Variants in TSC22D2 observed in about 807,000 individuals in gnomAD.
TSC22D2 encodes the protein TSC22 domain family member 2.
TSC22D2 carries 5 observed loss-of-function variants against 50.1 expected under a neutral mutation model. The observed-to-expected ratio is 0.10, with a 90% CI of 0.05 to 0.21. TSC22D2 has a LOEUF of 0.21. Among genes scored for constraint, TSC22D2 ranks in the 10% least tolerant of loss-of-function variants. The pLI is 1.00. For synonymous variants in TSC22D2, 501 were observed against 450.1 expected, an observed-to-expected ratio of 1.11 and a Z score of -1.43; for missense variants, 1,003 against 1,015.5, an observed-to-expected ratio of 0.99 and a Z score of 0.17.
intron 1 of TSC22D2, among the ~76,000 whole-genome samples, chr3:150,421,297 A>G (rs1560081981): frequency 6.6e-6 from 1 of 152,118 alleles, no homozygotes; most frequent in Non-Finnish European, 1.5e-5. Flanking sequence ...ACTAGTTCCC[A>G]TATGTTCCTG....
intron 1 of TSC22D2, among the ~76,000 whole-genome samples, chr3:150,441,081 A>G (rs1436239562): frequency 2.0e-5 from 3 of 149,818 alleles, no homozygotes; most frequent in Middle Eastern, 3.5e-3. Flanking sequence ...ATAAACATAT[A>G]AAATACATTT....
At chr3:150,438,231 T>C (rs1720612627) in intron 1 of TSC22D2, 1 of 429,490 alleles carries the variant, frequency 2.3e-6, no homozygotes. Context: ...GGAGGAGGAA[T>C]GTGACATAAT....
intron 1 of TSC22D2, among the ~76,000 whole-genome samples, chr3:150,426,870 T>C (rs550734286): frequency 6.6e-6 from 1 of 152,190 alleles, no homozygotes; most frequent in Non-Finnish European, 1.5e-5. Context: ...TATTCACTTA[T>C]TACCTCTAAT....
rs34106738 is a variant in TSC22D2, at chr3:150,463,963, G to A, written c.*5327G>A. 19,803 of 152,070 alleles carry A rather than the reference G, an allele frequency of 0.13. 1,558 individuals carry two copies. Among genetic ancestry groups the A allele is most frequent in the Non-Finnish European group, 0.2 (13,329 of 67,974 alleles). 9.4% of individuals were successfully genotyped at this position (152,070 alleles called of 1,614,324 possible). On this transcript the variant is annotated 3_prime_UTR_variant, in exon 3 of 3. Transcript: ENST00000688009. ...ATTTTCCCATTGTCTACTGTCATGG[G>A]TCCATAGTATTTAAGTTTACAGACT... is the stretch of plus-strand genomic sequence containing the variant.
intron 1 of TSC22D2, among the ~76,000 whole-genome samples, chr3:150,442,433 T>C (rs1442333349): frequency 6.6e-6 from 1 of 152,250 alleles, no homozygotes; most frequent in Non-Finnish European, 1.5e-5. Flanking sequence ...TTAGAGATTA[T>C]TGTATACAAT....
At chr3:150,419,039 C>G (rs1056093306) in intron 1 of TSC22D2, among the ~76,000 whole-genome samples, 1 of 152,008 alleles carries the variant, frequency 6.6e-6, no homozygotes, top group Non-Finnish European at 1.5e-5. Flanking sequence ...TGTTGAGATA[C>G]TCTACCAAAA....
At chr3:150,443,837 TCCATGATTCTAATGTAAAA>T (rs974226759) in intron 1 of TSC22D2, among the ~76,000 whole-genome samples, 29 of 152,238 alleles carry the variant, frequency 1.9e-4, no homozygotes, top group Non-Finnish European at 3.4e-4. Context: ...TCTCCTTAAA[TCCATGATTCTAATGTAAAA>T]AAGTCTCTGT....
At chr3:150,444,819 C>T (rs1031009553) in intron 1 of TSC22D2, among the ~76,000 whole-genome samples, 11 of 152,100 alleles carry the variant, frequency 7.2e-5, no homozygotes, top group African/African-American at 2.4e-4. Flanking sequence ...TGAAAAAAAC[C>T]TAATGACCCT....
chr3:150,417,035 T>G (rs1386867026), intron 1 of TSC22D2, among the ~76,000 whole-genome samples: 1 of 152,148 alleles, frequency 6.6e-6, no homozygotes, highest in African/African-American at 2.4e-5. Context: ...GGTAACTGAG[T>G]TAATTTTATT....
intron 1 of TSC22D2, among the ~76,000 whole-genome samples, chr3:150,415,094 T>C (rs546550874): frequency 6.6e-6 from 1 of 152,180 alleles, no homozygotes; most frequent in East Asian, 1.9e-4. Context: ...GGATTACTGA[T>C]GGATACCACA....
chr3:150,423,045 A>T, intron 1 of TSC22D2: 1 of 1,612,266 alleles, frequency 6.2e-7, no homozygotes. Flanking sequence ...CTCGGATCTC[A>T]CAGGAATCCT....
chr3:150,456,254 C>G (rs992731034), intron 1 of TSC22D2, among the ~76,000 whole-genome samples: 1 of 148,458 alleles, frequency 6.7e-6, no homozygotes, highest in African/African-American at 2.5e-5. Context: ...ATGGCGTGAT[C>G]TCGGCTCACT....
intron 1 of TSC22D2, among the ~76,000 whole-genome samples, chr3:150,433,993 T>C (rs1720457128): frequency 6.6e-6 from 1 of 152,186 alleles, no homozygotes; most frequent in African/African-American, 2.4e-5. Flanking sequence ...AAGAATTGCT[T>C]GAACCCACGA....
In TSC22D2 at chr3:150,465,741, C is replaced by G. The variant is rs1305696165; in HGVS notation, c.*7105C>G. The G allele has an allele frequency of 1.3e-5, 2 of 152,092 alleles. No individual in the cohort carries two copies. The highest frequency in any genetic ancestry group is 2.9e-5 in the Non-Finnish European group (2 of 68,006). The allele number at this position is 152,092 out of a possible 1,614,324, so 9.4% of individuals were successfully genotyped here. ...CGAACATAAGTTTTAAACTTCAAAC[C>G]TTTCTGCATAGTATAATAAAAATCT... On this transcript the variant is annotated 3_prime_UTR_variant, in exon 3 of 3. Transcript: ENST00000688009.
At chr3:150,413,758 A>G (rs1719682642) in intron 1 of TSC22D2, among the ~76,000 whole-genome samples, 1 of 152,060 alleles carries the variant, frequency 6.6e-6, no homozygotes, top group African/African-American at 2.4e-5. Context: ...TAAAATCTGC[A>G]TGTTTTCAAA....
rs536594645 is a variant in TSC22D2 at position 150,424,070 on chromosome 3, C to T, written c.1958+12762C>T. Among the ~76,000 whole-genome samples the T allele has an allele frequency of 2.0e-5, 3 of 152,234 alleles. No individual in the cohort carries two copies. The South Asian group carries it at 6.2e-4, about 32-fold the overall frequency. ...AAATGCTAAAACAGTCTTAATTCTT[C>T]GGCTTGATTTGCTTGTGTGTGTCAC... On this transcript the variant is annotated intron_variant, in intron 1 of 2. Coordinates refer to ENST00000688009, the MANE Select transcript of TSC22D2 (RefSeq NM_001303264.2).
rs1721365442 is a variant in TSC22D2, at chr3:150,460,596, G to A, written c.*1960G>A. 1 of 152,162 alleles carries A rather than the reference G, an allele frequency of 6.6e-6. No individual in the cohort carries two copies. Among genetic ancestry groups the A allele is most frequent in the Non-Finnish European group, 1.5e-5 (1 of 68,026 alleles). The allele number at this position is 152,162 out of a possible 1,614,324, so 9.4% of individuals were successfully genotyped here. On this transcript the variant is annotated 3_prime_UTR_variant, in exon 3 of 3. Coordinates refer to ENST00000688009, the MANE Select transcript of TSC22D2 (RefSeq NM_001303264.2). ...ATAACATTATAAATCAAGGAACTAA[G>A]TACATAGGCTTGAGTAAGCAACCCT...
intron 1 of TSC22D2, among the ~76,000 whole-genome samples, chr3:150,424,115 A>G (rs1720097736): frequency 6.6e-6 from 1 of 152,288 alleles, no homozygotes; most frequent in East Asian, 1.9e-4. Flanking sequence ...ATTTTCTAAC[A>G]GTATCTTTTT....
intron 1 of TSC22D2, among the ~76,000 whole-genome samples, chr3:150,445,313 C>CAAA (rs924946570): frequency 1.0e-5 from 1 of 97,806 alleles, no homozygotes; most frequent in South Asian, 4.3e-4. Flanking sequence ...GACTCTGTCT[C>CAAA]AAAAATAATA....
Sources: gnomAD v4.1 joint callset for allele counts (sites outside exome capture counted in the v4.1 genomes callset) on GRCh38, gnomAD v4.1.1 for gene constraint, MANE v1.5 for transcripts, NCBI Gene and HGNC (gene_info 2026-07-23, HGNC 2026-07-21) for gene names.